Variants in SLC35F1 observed in about 807,000 individuals in gnomAD.
SLC35F1 encodes chromosome 6 open reading frame 169.
SLC35F1 carries 14 observed loss-of-function variants against 48.7 expected under a neutral mutation model. The ratio of observed to expected loss-of-function variants is 0.29; its 90% confidence interval spans 0.19 to 0.45. The LOEUF (loss-of-function observed/expected upper bound fraction) is 0.45. Ranked by LOEUF, SLC35F1 falls within the 20% of genes least tolerant of loss-of-function variation. SLC35F1 has a pLI of 1.00. For synonymous variants in SLC35F1, 190 were observed against 202.2 expected (o/e 0.94, Z 0.51); for missense variants, 404 against 500.0 (o/e 0.81, Z 1.83).
chr6:118,139,280 T>C (rs1184656323), intron 1 of SLC35F1, among the ~76,000 whole-genome samples: 1 of 152,022 alleles, frequency 6.6e-6, no homozygotes, highest in African/African-American at 2.4e-5. Context: ...GCCCGGCTAA[T>C]TTTTTGTATT....
At chr6:118,290,998 T>G (rs1234045696) in intron 7 of SLC35F1, among the ~76,000 whole-genome samples, 1 of 152,062 alleles carries the variant, frequency 6.6e-6, no homozygotes, top group Non-Finnish European at 1.5e-5. Flanking sequence ...TTTCACTATG[T>G]TGGCCAGCCT....
At chr6:118,218,309 G>C (rs1040134160) in intron 2 of SLC35F1, among the ~76,000 whole-genome samples, 54 of 152,240 alleles carry the variant, frequency 3.5e-4, no homozygotes, top group African/African-American at 1.3e-3. Flanking sequence ...TTCTCAGCTA[G>C]AGGACTATCT....
In SLC35F1 at chr6:118,154,619, AGGT is replaced by A; in HGVS notation, c.349_349+2del. 6.2e-7 allele frequency: 1 copy of A among 1,604,694 alleles called. No individual in the cohort carries two copies. The highest frequency in any genetic ancestry group is 8.5e-7 in the Non-Finnish European group (1 of 1,175,036). The stretch of plus-strand genomic sequence containing the variant: ...ATACCACCACACTAGCCGTCAGACA[AGGT>A]AAGCTCACAAAAGCACCAGGAATAT... On this transcript the variant is annotated splice_donor_variant and coding_sequence_variant, in exon 2 of 8. Coordinates refer to ENST00000360388, the MANE Select transcript of SLC35F1 (RefSeq NM_001029858.4). LOFTEE classifies it high-confidence loss of function.
chr6:118,040,543 T>A (rs1397503397), intron 1 of SLC35F1, among the ~76,000 whole-genome samples: 1 of 152,152 alleles, frequency 6.6e-6, no homozygotes, highest in African/African-American at 2.4e-5. Context: ...CCAAGCCTAC[T>A]TCTAGAAGTA....
intron 2 of SLC35F1, among the ~76,000 whole-genome samples, chr6:118,225,680 T>C (rs973479106): frequency 2.0e-5 from 3 of 151,078 alleles, no homozygotes; most frequent in African/African-American, 7.3e-5. Flanking sequence ...CACAGCATCC[T>C]GGCTAACACG....
At chr6:117,977,786 T>TAC (rs1363896488) in intron 1 of SLC35F1, among the ~76,000 whole-genome samples, 1 of 152,128 alleles carries the variant, frequency 6.6e-6, no homozygotes, top group African/African-American at 2.4e-5. Context: ...TTTGTGGTTT[T>TAC]GGTCATTGAT....
chr6:118,048,629 TA>T (rs969306625), intron 1 of SLC35F1, among the ~76,000 whole-genome samples: 4 of 152,016 alleles, frequency 2.6e-5, no homozygotes, highest in African/African-American at 9.7e-5. Flanking sequence ...TCAAAGAGAA[TA>T]AAATACCTAG....
At chr6:118,138,971 AACAC>A (rs58109876) in intron 1 of SLC35F1, among the ~76,000 whole-genome samples, 27 of 150,078 alleles carry the variant, frequency 1.8e-4, no homozygotes, top group East Asian at 9.8e-4. Context: ...TTTCAGCAGA[AACAC>A]ACACACACAC....
chr6:118,086,090 T>C (rs1351714886), intron 1 of SLC35F1, among the ~76,000 whole-genome samples: 1 of 152,194 alleles, frequency 6.6e-6, no homozygotes, highest in Non-Finnish European at 1.5e-5. Context: ...ACTTGGTGTA[T>C]TTATTTTTTT....
At chr6:118,029,761 C>T (rs1381027936) in intron 1 of SLC35F1, among the ~76,000 whole-genome samples, 1 of 152,142 alleles carries the variant, frequency 6.6e-6, no homozygotes, top group East Asian at 1.9e-4. Context: ...AAGTTAAAAA[C>T]ATTTCTTTAC....
intron 1 of SLC35F1, among the ~76,000 whole-genome samples, chr6:117,966,153 C>G (rs11752475): frequency 1.5e-5 from 2 of 134,774 alleles, no homozygotes; most frequent in Admixed American, 7.5e-5. Context: ...ACTCCCGCCC[C>G]GCCCCAAGCA....
At chr6:118,197,352 A>G (rs907558979) in intron 2 of SLC35F1, among the ~76,000 whole-genome samples, 2 of 152,164 alleles carry the variant, frequency 1.3e-5, no homozygotes, top group African/African-American at 4.8e-5. Flanking sequence ...GAAACTAGTA[A>G]CATTAGAGTT....
At chr6:118,033,583 A>G (rs965818054) in intron 1 of SLC35F1, among the ~76,000 whole-genome samples, 3 of 150,896 alleles carry the variant, frequency 2.0e-5, no homozygotes, top group Non-Finnish European at 2.9e-5. Flanking sequence ...CCACAATAAT[A>G]TATGTTTGCA....
intron 2 of SLC35F1, among the ~76,000 whole-genome samples, chr6:118,179,594 C>T (rs1774541866): frequency 6.6e-6 from 1 of 152,128 alleles, no homozygotes; most frequent in Non-Finnish European, 1.5e-5. Context: ...TACTAGCCAT[C>T]TGGGCACCTC....
intron 7 of SLC35F1, among the ~76,000 whole-genome samples, chr6:118,289,827 C>G (rs1776097411): frequency 6.6e-6 from 1 of 152,158 alleles, no homozygotes. Flanking sequence ...GATTATGCAT[C>G]ATATATGCTA....
At chr6:118,274,316 G>A (rs1221060500) in intron 4 of SLC35F1, among the ~76,000 whole-genome samples, 1 of 152,122 alleles carries the variant, frequency 6.6e-6, no homozygotes, top group African/African-American at 2.4e-5. Flanking sequence ...TTCCTGGAGT[G>A]GGAAGTTTGC....
At chr6:118,085,987 A>G (rs2114331961) in intron 1 of SLC35F1, among the ~76,000 whole-genome samples, 1 of 152,268 alleles carries the variant, frequency 6.6e-6, no homozygotes, top group African/African-American at 2.4e-5. Context: ...TCACTGATGA[A>G]ACTCCAAATA....
Position 117,927,320 on chromosome 6 carries a change from A to G in SLC35F1, c.173+19421A>G, listed in dbSNP as rs113338460. Reference sequence around the variant, plus strand: ...GATTCACATGAAAATCACAAAGTGTAACTATGATGCTATCCTTTTATTCTT... The same window carrying G: ...GATTCACATGAAAATCACAAAGTGTGACTATGATGCTATCCTTTTATTCTT... On this transcript the variant is annotated intron_variant, in intron 1 of 7. Transcript: ENST00000360388. 5.7e-3 allele frequency among the ~76,000 whole-genome samples: 870 copies of G among 152,318 alleles called. 8 individuals are homozygous for G. The highest frequency in any genetic ancestry group is 0.02 in the African/African-American group (813 of 41,578).
chr6:117,998,797 G>C (rs1777040186), intron 1 of SLC35F1, among the ~76,000 whole-genome samples: 1 of 152,210 alleles, frequency 6.6e-6, no homozygotes, highest in African/African-American at 2.4e-5. Flanking sequence ...GAAATTTATA[G>C]CACTATATGC....
Sources: allele counts gnomAD v4.1 joint callset (sites outside exome capture counted in the v4.1 genomes callset), GRCh38; gene constraint gnomAD v4.1.1; transcripts MANE v1.5; gene names NCBI Gene and HGNC (gene_info 2026-07-23, HGNC 2026-07-21).